The following PPM1G variants were observed in gnomAD, a reference collection of about 807,000 sequenced individuals.
PPM1G encodes the protein protein phosphatase 1G.
In PPM1G, 12 loss-of-function variants were observed where a neutral mutation model predicts 59.4. That is an observed-to-expected ratio of 0.20 (90% confidence interval 0.13 to 0.33). The LOEUF (loss-of-function observed/expected upper bound fraction) is 0.33, where lower values mean the gene tolerates loss of function less well. Among genes scored for constraint, PPM1G ranks in the 10% least tolerant of loss-of-function variants. The pLI, the probability that PPM1G is intolerant of heterozygous loss-of-function variation, is 1.00. For synonymous variants in PPM1G, 245 were observed against 251.9 expected (o/e 0.97, Z 0.26); for missense variants, 392 against 681.3 (o/e 0.58, Z 4.73).
Position 27,382,385 on chromosome 2 carries a change from T to G in PPM1G, c.1331+91A>C. 1 of 1,574,354 alleles carries G rather than the reference T, an allele frequency of 6.4e-7. No individual in the cohort carries two copies. The highest frequency in any genetic ancestry group is 8.7e-7 in the Non-Finnish European group (1 of 1,154,960). ...CTTCACCCACCAAGAGGCCTAGGTC[T>G]GCCTAGGCTCTAATCCTAGAGGTGC... On this transcript the variant is annotated intron_variant, in intron 8 of 9. Coordinates refer to ENST00000344034, the MANE Select transcript of PPM1G (RefSeq NM_177983.3). The surrounding 1 kb of genome is among the most constrained non-coding windows in gnomAD (Gnocchi z 4.2).
chr2:27,396,422 T>C (rs1237163438), intron 1 of PPM1G, among the ~76,000 whole-genome samples: 9 of 152,180 alleles, frequency 5.9e-5, no homozygotes, highest in Admixed American at 5.9e-4. Context: ...TGGGGACTCA[T>C]TTAATGGGTA....
In PPM1G at chr2:27,383,096, A is replaced by G. The variant is rs1683680762; in HGVS notation, c.1201+270T>C. Among the ~76,000 whole-genome samples, 2 of 151,874 alleles carry G rather than the reference A, an allele frequency of 1.3e-5. No individual in the cohort carries two copies. Among genetic ancestry groups the G allele is most frequent in the African/African-American group, 4.8e-5 (2 of 41,338 alleles). On this transcript the variant is annotated intron_variant, in intron 7 of 9. Coordinates refer to ENST00000344034, the MANE Select transcript of PPM1G (RefSeq NM_177983.3). This position sits in a 1 kb window ranked among gnomAD's most constrained non-coding sequence, Gnocchi z 5.0. ...GGCGATCCACCAGCCTCAGCCTCCC[A>G]AAGTGCTGGGATTACAGGCGTGAGC...
intron 1 of PPM1G, chr2:27,393,434 G>C (rs1002530656): frequency 9.9e-7 from 1 of 1,008,126 alleles, no homozygotes; most frequent in Admixed American, 2.0e-5. Context: ...CTGCGGCGGG[G>C]GCCTTGGGGC....
intron 1 of PPM1G, chr2:27,393,370 C>T (rs1683966205): frequency 1.3e-6 from 2 of 1,570,070 alleles, no homozygotes; most frequent in East Asian, 2.2e-5. Flanking sequence ...GTCGTCATGC[C>T]GGCGACTAAG....
rs146623643 is a variant in PPM1G, at chr2:27,391,913, G to C, written c.121-4755C>G. The stretch of plus-strand genomic sequence containing the variant: ...CGCCCAGCTAATTTTTGTATTTTTA[G>C]TAGAGACGGGGTTTCACCATGTTGG... On this transcript the variant is annotated intron_variant, in intron 1 of 9. Coordinates refer to ENST00000344034, the MANE Select transcript of PPM1G (RefSeq NM_177983.3). Among the ~76,000 whole-genome samples the C allele has an allele frequency of 4.3e-4, 66 of 151,952 alleles. 1 individual carries two copies. In the East Asian group the frequency reaches 9.3e-3, roughly 21 times the overall value.
chr2:27,407,865 T>G (rs1359140778), intron 1 of PPM1G, among the ~76,000 whole-genome samples: 1 of 151,966 alleles, frequency 6.6e-6, no homozygotes, highest in African/African-American at 2.4e-5. Flanking sequence ...CTGACCCACA[T>G]GAAGAAACCC....
chr2:27,393,489 C>T, intron 1 of PPM1G: 1 of 734,404 alleles, frequency 1.4e-6, no homozygotes, highest in East Asian at 2.7e-5. Flanking sequence ...TGGCTATGGG[C>T]GGCCGGCCGG....
chr2:27,382,268 T>C lies in PPM1G; in HGVS notation c.1332-40A>G. The C allele has an allele frequency of 6.3e-7, 1 of 1,597,624 alleles. No homozygotes were observed. Among genetic ancestry groups the C allele is most frequent in the Non-Finnish European group, 8.6e-7 (1 of 1,165,078 alleles). On this transcript the variant is annotated intron_variant, in intron 8 of 9. Transcript: ENST00000344034. The surrounding 1 kb of genome is among the most constrained non-coding windows in gnomAD (Gnocchi z 4.2). Reference sequence around the variant, plus strand: ...AACAGTCAGAATCTTCCAGTCTCACTAAGGCAGCGTAGAGGAGTATGGACA... The same window carrying C: ...AACAGTCAGAATCTTCCAGTCTCACCAAGGCAGCGTAGAGGAGTATGGACA...
At chr2:27,408,021 T>C (rs1663421625) in intron 1 of PPM1G, among the ~76,000 whole-genome samples, 2 of 149,838 alleles carry the variant, frequency 1.3e-5, no homozygotes, top group African/African-American at 4.9e-5. Context: ...CATTCCAGCC[T>C]GGGCAACAAG....
chr2:27,394,225 A>C (rs1287837876), intron 1 of PPM1G, among the ~76,000 whole-genome samples: 1 of 152,188 alleles, frequency 6.6e-6, no homozygotes, highest in Non-Finnish European at 1.5e-5. Context: ...AAAAATTAGT[A>C]AACTTTTCCT....
rs1349835683 is a variant in PPM1G, at chr2:27,381,288, A to G, written c.*311T>C. Reference sequence around the variant, plus strand: ...GCGGCCGAGGGCCATGGAGCCGCCAATAAAAAAGAATGTCCTTAAATAAAG... The same window carrying G: ...GCGGCCGAGGGCCATGGAGCCGCCAGTAAAAAAGAATGTCCTTAAATAAAG... On this transcript the variant is annotated 3_prime_UTR_variant, in exon 10 of 10. Transcript: ENST00000344034. The G allele has an allele frequency of 4.6e-6, 2 of 436,496 alleles. No individual in the cohort carries two copies. The highest frequency in any genetic ancestry group is 8.4e-6 in the Non-Finnish European group (2 of 237,484). 27.0% of individuals were successfully genotyped at this position (436,496 alleles called of 1,614,324 possible). A position where few individuals can be genotyped will look rare whatever the true frequency, so the allele number is the denominator to read the frequency against.
At chr2:27,399,081 A>T (rs908506578) in intron 1 of PPM1G, among the ~76,000 whole-genome samples, 1 of 152,076 alleles carries the variant, frequency 6.6e-6, no homozygotes, top group Non-Finnish European at 1.5e-5. Flanking sequence ...CAGAGGTTGC[A>T]GTGAACCAAG....
chr2:27,404,038 T>C (rs1474157922), intron 1 of PPM1G, among the ~76,000 whole-genome samples: 2 of 152,172 alleles, frequency 1.3e-5, no homozygotes, highest in Non-Finnish European at 2.9e-5. Flanking sequence ...ACTTGTGATA[T>C]TTCTTTTTAT....
At chr2:27,386,537 G>A (rs1043037262) in intron 2 of PPM1G, 1 of 277,136 alleles carries the variant, frequency 3.6e-6, no homozygotes, top group Non-Finnish European at 7.0e-6. Context: ...AAAAGATAAA[G>A]AATCAGCTCA....
chr2:27,408,920 T>A (rs1261975880), intron 1 of PPM1G, among the ~76,000 whole-genome samples: 5 of 152,122 alleles, frequency 3.3e-5, no homozygotes, highest in Admixed American at 3.3e-4. Flanking sequence ...TCTATTCACC[T>A]CTCCCTTGAA....
Position 27,382,286 on chromosome 2 carries a change from T to A in PPM1G, c.1332-58A>T, listed in dbSNP as rs1330521892. 6.3e-7 allele frequency: 1 copy of A among 1,582,480 alleles called. No individual in the cohort carries two copies. Reference sequence around the variant, plus strand: ...GTCTCACTAAGGCAGCGTAGAGGAGTATGGACAGAGGTGGTGGCCCAGGCC... The same window carrying A: ...GTCTCACTAAGGCAGCGTAGAGGAGAATGGACAGAGGTGGTGGCCCAGGCC... On this transcript the variant is annotated intron_variant, in intron 8 of 9. Transcript: ENST00000344034. This position sits in a 1 kb window ranked among gnomAD's most constrained non-coding sequence, Gnocchi z 4.2.
Position 27,382,583 on chromosome 2 carries a change from G to A in PPM1G, c.1224C>T (p.Asn408=). 6.2e-7 allele frequency: 1 copy of A among 1,614,222 alleles called. No individual in the cohort carries two copies. Among genetic ancestry groups the A allele is most frequent in the Non-Finnish European group, 8.5e-7 (1 of 1,180,028 alleles). ...RAIGDHFYKR[N]KNLPPEEQMI... ...TCTGTTCCTCAGGTGGCAGGTTCTT[G>A]TTTCTCTTATAGAAGTGGTCCCCTG... Residue 408 remains asparagine, a synonymous_variant, in exon 8 of 10, where the codon AAC becomes AAT. Coordinates refer to ENST00000344034, the MANE Select transcript of PPM1G (RefSeq NM_177983.3). This position sits in a 1 kb window ranked among gnomAD's most constrained non-coding sequence, Gnocchi z 4.2.
intron 1 of PPM1G, among the ~76,000 whole-genome samples, chr2:27,392,266 T>C (rs992866715): frequency 1.4e-5 from 2 of 148,116 alleles, no homozygotes; most frequent in African/African-American, 5.0e-5. Flanking sequence ...CTGGATTACT[T>C]TGTTTTGTTG....
chr2:27,402,490 A>G (rs1436964847), intron 1 of PPM1G, among the ~76,000 whole-genome samples: 1 of 152,170 alleles, frequency 6.6e-6, no homozygotes, highest in Non-Finnish European at 1.5e-5. Context: ...TTGAGAACTT[A>G]TAAGGCAATG....
Sources: allele counts gnomAD v4.1 joint callset (sites outside exome capture counted in the v4.1 genomes callset), GRCh38; gene constraint gnomAD v4.1.1; non-coding constraint Gnocchi (gnomAD v3.1); transcripts MANE v1.5; gene names NCBI Gene and HGNC (gene_info 2026-07-23, HGNC 2026-07-21).